The following SUGCT variants were observed in gnomAD, a reference collection of about 807,000 sequenced individuals.
The protein encoded by SUGCT is succinyl-CoA:glutarate-CoA transferase, also known as succinyl-CoA:glutarate CoA-transferase.
SUGCT carries 41 observed loss-of-function variants against 55.0 expected under a neutral mutation model. That is an observed-to-expected ratio of 0.74 (90% CI 0.58 to 0.97). The LOEUF is 0.97. Among genes scored for constraint, SUGCT ranks in the 50% least tolerant of loss-of-function variants. The pLI is 0.00. For synonymous variants in SUGCT, 187 were observed against 200.4 expected (o/e 0.93, Z 0.56); for missense variants, 568 against 547.8 (o/e 1.04, Z -0.37).
At chr7:40,958,094 T>C in the SUGCT span, among the ~76,000 whole-genome samples, 1 of 152,140 alleles carries the variant, frequency 6.6e-6, no homozygotes, top group South Asian at 2.1e-4. Flanking sequence ...GCCCTTAAGA[T>C]TTTTCTCTTC....
the SUGCT span, among the ~76,000 whole-genome samples, chr7:40,970,474 A>T: frequency 1.3e-4 from 20 of 152,048 alleles, no homozygotes; most frequent in African/African-American, 4.6e-4. Flanking sequence ...ACCTGGCCAG[A>T]CTCTATGGTT....
chr7:40,148,120 G>C (rs997432434), intron 1 of SUGCT, among the ~76,000 whole-genome samples: 1 of 151,276 alleles, frequency 6.6e-6, no homozygotes. Context: ...GGTTATGAGA[G>C]AGCAGGAAAT....
chr7:40,767,242 T>C (rs1309101128), intron 13 of SUGCT, among the ~76,000 whole-genome samples: 4 of 152,162 alleles, frequency 2.6e-5, no homozygotes. Flanking sequence ...ATAGAATTTT[T>C]CTCAAAAGGG....
chr7:40,581,059 A>G (rs1482870801), intron 12 of SUGCT, among the ~76,000 whole-genome samples: 2 of 152,212 alleles, frequency 1.3e-5, no homozygotes, highest in Admixed American at 6.5e-5. Flanking sequence ...ATGACACTGT[A>G]TTTTACTTCA....
At chr7:40,892,297 C>G in the SUGCT span, among the ~76,000 whole-genome samples, 1 of 152,076 alleles carries the variant, frequency 6.6e-6, no homozygotes, top group East Asian at 1.9e-4. Flanking sequence ...GCTTTTATAG[C>G]TATAAGATGT....
chr7:40,225,935 A>C (rs1788318580), intron 6 of SUGCT, among the ~76,000 whole-genome samples: 1 of 152,190 alleles, frequency 6.6e-6, no homozygotes, highest in Non-Finnish European at 1.5e-5. Flanking sequence ...AGTTCTTGTG[A>C]GACTTAAATG....
chr7:40,752,978 A>G (rs536383628), intron 13 of SUGCT, among the ~76,000 whole-genome samples: 2 of 152,296 alleles, frequency 1.3e-5, no homozygotes, highest in South Asian at 4.1e-4. Context: ...GATGAAATGC[A>G]TGAGTCTAGT....
chr7:40,847,888 C>T (rs761667544), intron 13 of SUGCT, among the ~76,000 whole-genome samples: 46 of 152,294 alleles, frequency 3.0e-4, no homozygotes, highest in African/African-American at 1.1e-3. Context: ...GAGGCTGAGT[C>T]GTGCAATGCC....
At chr7:40,323,944 A>G (rs1034742691) in intron 9 of SUGCT, among the ~76,000 whole-genome samples, 2 of 151,904 alleles carry the variant, frequency 1.3e-5, no homozygotes, top group Admixed American at 1.3e-4. Flanking sequence ...CTCTGAGATG[A>G]CTACCTCACA....
At chr7:40,561,610 A>G (rs1256097054) in intron 12 of SUGCT, among the ~76,000 whole-genome samples, 4 of 151,366 alleles carry the variant, frequency 2.6e-5, no homozygotes, top group Non-Finnish European at 5.9e-5. Context: ...TTGACAGGGG[A>G]GATAACTTGA....
At chr7:40,339,204 T>A (rs1796904224) in intron 9 of SUGCT, among the ~76,000 whole-genome samples, 1 of 152,206 alleles carries the variant, frequency 6.6e-6, no homozygotes, top group African/African-American at 2.4e-5. Flanking sequence ...AGGGGCACAC[T>A]TGAGGAGGCA....
chr7:40,690,289 C>T (rs1454567884), intron 12 of SUGCT, among the ~76,000 whole-genome samples: 2 of 152,106 alleles, frequency 1.3e-5, no homozygotes, highest in East Asian at 3.8e-4. Flanking sequence ...ATTTTTGTGA[C>T]ATGAGTAGAC....
intron 12 of SUGCT, among the ~76,000 whole-genome samples, chr7:40,713,376 A>G (rs1210039293): frequency 1.3e-5 from 2 of 152,192 alleles, no homozygotes; most frequent in East Asian, 1.9e-4. Flanking sequence ...TAAGTCCTGT[A>G]GGTATGATAA....
chr7:40,939,398 T>C, the SUGCT span, among the ~76,000 whole-genome samples: 1 of 152,200 alleles, frequency 6.6e-6, no homozygotes, highest in African/African-American at 2.4e-5. Flanking sequence ...AGCCAAACCA[T>C]ATCACATACC....
intron 9 of SUGCT, among the ~76,000 whole-genome samples, chr7:40,390,671 A>T (rs150413520): frequency 0.23 from 34,692 of 152,160 alleles, 4,600 homozygotes; most frequent in African/African-American, 0.34. Flanking sequence ...ATCCTCATGG[A>T]TAGGAAGAAT....
At chr7:40,736,986 G>A (rs1265187169) in intron 12 of SUGCT, among the ~76,000 whole-genome samples, 5 of 152,030 alleles carry the variant, frequency 3.3e-5, no homozygotes, top group Admixed American at 2.0e-4. Context: ...TTTGAAAAAC[G>A]GTATTGATAC....
intron 9 of SUGCT, among the ~76,000 whole-genome samples, chr7:40,338,109 A>G (rs1306897455): frequency 6.6e-6 from 1 of 152,192 alleles, no homozygotes; most frequent in Non-Finnish European, 1.5e-5. Flanking sequence ...AGTTTCTGCC[A>G]ATAGATCCGC....
intron 6 of SUGCT, among the ~76,000 whole-genome samples, chr7:40,236,619 A>G (rs897707519): frequency 9.9e-5 from 15 of 152,090 alleles, no homozygotes; most frequent in Non-Finnish European, 1.5e-5. Flanking sequence ...TTAACTTTGT[A>G]TATTAGCTTA....
At chr7:40,163,526 A>G (rs1028619641) in intron 1 of SUGCT, among the ~76,000 whole-genome samples, 2 of 151,486 alleles carry the variant, frequency 1.3e-5, no homozygotes, top group African/African-American at 4.9e-5. Flanking sequence ...AAACACTTGA[A>G]CTGTGGAGGC....
Sources: gnomAD v4.1 joint callset for allele counts (sites outside exome capture counted in the v4.1 genomes callset) on GRCh38, gnomAD v4.1.1 for gene constraint, MANE v1.5 for transcripts, NCBI Gene and HGNC (gene_info 2026-07-23, HGNC 2026-07-21) for gene names.